The following MS4A13 variants were observed in gnomAD, a reference collection of about 807,000 sequenced individuals.
MS4A13 encodes the protein membrane-spanning 4-domains subfamily A member 13.
MS4A13 carries 21 observed loss-of-function variants against 18.4 expected under a neutral mutation model. The observed-to-expected ratio is 1.14, with a 90% confidence interval of 0.81 to 1.64. MS4A13 has a LOEUF of 1.64. Among genes scored for constraint, MS4A13 ranks in the 40% most tolerant of loss-of-function variants. The pLI, the probability that MS4A13 is intolerant of heterozygous loss-of-function variation, is 0.00. For missense variants in MS4A13, 173 were observed against 176.8 expected (o/e 0.98, Z 0.12); for synonymous variants, 62 against 57.2 (o/e 1.08, Z -0.38).
chr11:60,529,935 T>A (rs1348850627), intron 6 of MS4A13, among the ~76,000 whole-genome samples: 1 of 152,232 alleles, frequency 6.6e-6, no homozygotes, highest in African/African-American at 2.4e-5. Flanking sequence ...GGTTTCCAGT[T>A]TTTTCTAAAT....
At chr11:60,538,192 C>CAA (rs2086824909) in intron 6 of MS4A13, among the ~76,000 whole-genome samples, 1 of 109,088 alleles carries the variant, frequency 9.2e-6, no homozygotes. Flanking sequence ...AAAAAAAAAA[C>CAA]GAAAAAAAAA....
chr11:60,516,585 T>G (rs147614377), intron 2 of MS4A13, among the ~76,000 whole-genome samples: 1 of 152,340 alleles, frequency 6.6e-6, no homozygotes, highest in Admixed American at 6.5e-5. Context: ...CTTAACCTCT[T>G]TGGGGTCACA....
intron 3 of MS4A13, among the ~76,000 whole-genome samples, chr11:60,520,265 C>T (rs991662738): frequency 6.6e-6 from 1 of 152,094 alleles, no homozygotes; most frequent in Admixed American, 6.5e-5. Flanking sequence ...CTGCCCCTGG[C>T]CCCTCCTAAA....
rs865801262 is a variant in MS4A13, at chr11:60,538,192, C to T, written c.403-4327C>T. ...TAAAGTATAATAAAAAAAAAAAAAA[C>T]GAAAAAAAAAAACAAAGTTGAACTC... On this transcript the variant is annotated intron_variant, in intron 6 of 6. Coordinates refer to ENST00000378186, the MANE Select transcript of MS4A13 (RefSeq NM_001012417.3). Among the ~76,000 whole-genome samples the T allele has an allele frequency of 7.1e-4, 78 of 109,170 alleles. 2 individuals carry two copies. The East Asian group carries it at 0.012, about 17-fold the overall frequency. The allele number at this position is 109,170 out of a possible 152,430, so 71.6% of individuals were successfully genotyped here.
At chr11:60,524,866 T>C (rs1423505029) in intron 4 of MS4A13, among the ~76,000 whole-genome samples, 2 of 152,058 alleles carry the variant, frequency 1.3e-5, no homozygotes, top group African/African-American at 4.8e-5. Flanking sequence ...TTCACCGTGT[T>C]AGCCAGGATG....
intron 2 of MS4A13, among the ~76,000 whole-genome samples, chr11:60,516,320 AG>A (rs1370986697): frequency 6.6e-6 from 1 of 152,212 alleles, no homozygotes; most frequent in Non-Finnish European, 1.5e-5. Flanking sequence ...AATCCAAGTA[AG>A]GTTTAAAAGG....
intron 2 of MS4A13, 117 bp from the exon 3 acceptor site, chr11:60,517,955 C>A: frequency 2.8e-6 from 2 of 720,270 alleles, no homozygotes; most frequent in Non-Finnish European, 4.3e-6. Flanking sequence ...TCATTAAGTG[C>A]ATTGCTGTTT....
intron 6 of MS4A13, among the ~76,000 whole-genome samples, chr11:60,538,339 G>T (rs998624426): frequency 1.6e-4 from 25 of 151,552 alleles, no homozygotes; most frequent in Admixed American, 1.2e-3. Flanking sequence ...TAAGCTTTAG[G>T]GATCAATTAC....
intron 2 of MS4A13, among the ~76,000 whole-genome samples, 164 bp from the exon 3 acceptor site, chr11:60,517,908 G>A (rs2086647764): frequency 6.6e-6 from 1 of 152,092 alleles, no homozygotes; most frequent in South Asian, 2.1e-4. Flanking sequence ...CTTCCTGATC[G>A]GTCCTTTTTT....
Position 60,518,125 on chromosome 11 carries a change from G to A in MS4A13, c.42G>A (p.Leu14=). 6 of 1,608,302 alleles carry A rather than the reference G, an allele frequency of 3.7e-6. No individual in the cohort carries two copies. The highest frequency in any genetic ancestry group is 4.3e-6 in the Non-Finnish European group (5 of 1,175,566). ...IFHIFMWYFL[L]VLYMGQIKGA... ...ACATTTTCATGTGGTACTTTCTATT[G>A]GTTTTGTATATGGGACAAATTAAAG... The change falls in exon 3 of 7, where the codon TTG becomes TTA. Residue 14 remains leucine (L), a synonymous_variant. Transcript: ENST00000378186.
chr11:60,523,982 G>T, intron 4 of MS4A13, 29 bp downstream of exon 4: 1 of 1,335,160 alleles, frequency 7.5e-7, no homozygotes. Context: ...GGTATCTCTA[G>T]AAATCACTTA....
chr11:60,527,404 CTCTCTCTGTGTGTGTG>C (rs2086725065), intron 5 of MS4A13, among the ~76,000 whole-genome samples: 20 of 73,516 alleles, frequency 2.7e-4, no homozygotes, highest in African/African-American at 1.2e-3. Flanking sequence ...CTCTCTCTCT[CTCTCTCTGTGTGTGTG>C]TGTGTGTGTG....
At position 60,525,269 on chromosome 11, in the gene MS4A13, A is replaced by T; in HGVS notation, c.249A>T (p.Leu83=). ...TTACTACAATTACTGCAGTAACTCT[A>T]ACAATAATAGAGTTGTCTCATTTTA... ...CIITTITAVT[L]TIIELSHFNS... is the part of the protein sequence containing the mutation. The change falls in exon 5 of 7, where the codon CTA becomes CTT. Residue 83 remains leucine, a synonymous_variant. Coordinates refer to ENST00000378186, the MANE Select transcript of MS4A13 (RefSeq NM_001012417.3). 6.3e-7 allele frequency: 1 copy of T among 1,585,502 alleles called. No individual in the cohort carries two copies. Among genetic ancestry groups the T allele is most frequent in the Non-Finnish European group, 8.6e-7 (1 of 1,156,216 alleles).
intron 5 of MS4A13, among the ~76,000 whole-genome samples, chr11:60,526,082 C>T (rs1433716547): frequency 6.6e-6 from 1 of 151,972 alleles, no homozygotes; most frequent in Non-Finnish European, 1.5e-5. Context: ...CTCCTCCTCC[C>T]CTACACACTT....
intron 3 of MS4A13, among the ~76,000 whole-genome samples, chr11:60,522,086 C>T (rs989865075): frequency 3.9e-5 from 6 of 152,092 alleles, no homozygotes; most frequent in African/African-American, 1.4e-4. Flanking sequence ...GACCCGCTCC[C>T]ATGATTCAAT....
chr11:60,518,249 A>G, intron 3 of MS4A13, 37 bp downstream of exon 3: 1 of 1,516,794 alleles, frequency 6.6e-7, no homozygotes, highest in Non-Finnish European at 8.9e-7. Context: ...TAATCATACA[A>G]TAAATAATAT....
intron 5 of MS4A13, among the ~76,000 whole-genome samples, chr11:60,528,596 CAAA>C (rs1247211993): frequency 6.6e-6 from 1 of 152,014 alleles, no homozygotes; most frequent in Non-Finnish European, 1.5e-5. Flanking sequence ...ATAAACCAAA[CAAA>C]GAAGGAGGAG....
chr11:60,540,467 G>A (rs533916412), intron 6 of MS4A13, among the ~76,000 whole-genome samples: 1 of 152,012 alleles, frequency 6.6e-6, no homozygotes, highest in African/African-American at 2.4e-5. Context: ...ACAAAGAAAA[G>A]GAAAGGGAAT....
chr11:60,522,198 A>AGATAGAT (rs553610656), intron 3 of MS4A13, among the ~76,000 whole-genome samples: 24 of 18,186 alleles, frequency 1.3e-3, no homozygotes, highest in Admixed American at 6.9e-3. Context: ...AAGATCAGAC[A>AGATAGAT]GATAGATAGA....
Sources: gnomAD v4.1 joint callset for allele counts (sites outside exome capture counted in the v4.1 genomes callset) on GRCh38, gnomAD v4.1.1 for gene constraint, MANE v1.5 for transcripts, NCBI Gene and HGNC (gene_info 2026-07-23, HGNC 2026-07-21) for gene names.